Variants in FRAS1 observed in about 807,000 individuals in gnomAD.
FRAS1 encodes the protein extracellular matrix organizing protein FRAS1.
FRAS1 carries 290 observed loss-of-function variants against 435.2 expected under a neutral mutation model. The ratio of observed to expected loss-of-function variants is 0.67; its 90% CI spans 0.61 to 0.73. FRAS1 has a LOEUF of 0.73. Ranked by LOEUF, FRAS1 falls within the 30% of genes least tolerant of loss-of-function variation. The probability of loss-of-function intolerance (pLI) is 0.00; values close to 1 mark genes in which losing one functional copy is unlikely to be tolerated. For missense variants in FRAS1, 4,860 were observed against 5,001.5 expected (o/e 0.97, Z 0.85); for synonymous variants, 1,800 against 1,851.0 (o/e 0.97, Z 0.71).
intron 52 of FRAS1, 135 bp downstream of exon 52, chr4:78,472,465 T>A: frequency 1.6e-6 from 1 of 635,170 alleles, no homozygotes; most frequent in Non-Finnish European, 2.4e-6. Flanking sequence ...TTCTAGTGCT[T>A]AACCATCCAA....
rs770802667 is a variant in FRAS1 at position 78,419,045 on chromosome 4, C to T, written c.4522C>T (p.Pro1508Ser). 6.4e-7 allele frequency: 1 copy of T among 1,566,658 alleles called. No homozygotes were observed. The highest frequency in any genetic ancestry group is 1.2e-5 in the South Asian group (1 of 82,382). ...AAAGATTGTCTACAACATCACTCTACCTCTGCATCCAAATCAAGGTAAGAT... is the reference window on the plus strand; with the variant it reads ...AAAGATTGTCTACAACATCACTCTATCTCTGCATCCAAATCAAGGTAAGAT... The part of the protein sequence containing the change: ...SGKIVYNITL[P>S]LHPNQGIIEH... Residue 1508 changes from proline to serine, a missense_variant, in exon 33 of 74, where the codon CCT (proline) becomes TCT (serine). Physicochemically the swap from Pro to Ser is moderately conservative, Grantham distance 74. Transcript: ENST00000512123.
rs1739554573 is a variant in FRAS1, at chr4:78,058,036, G to T, written c.27G>T (p.Gly9=). The change falls in exon 1 of 74, where the codon GGG becomes GGT. Residue 9 remains glycine, a synonymous_variant. Transcript: ENST00000512123. The part of the protein sequence containing the change: MGVLKVWL[G]LALALAEFAV... Reference sequence around the variant, plus strand: ...TGGGTGTCCTCAAAGTGTGGCTCGGGCTGGCCCTAGCGTTGGCGGAATTTG... The same window carrying T: ...TGGGTGTCCTCAAAGTGTGGCTCGGTCTGGCCCTAGCGTTGGCGGAATTTG... 1 of 1,613,978 alleles carries T rather than the reference G, an allele frequency of 6.2e-7. No individual in the cohort carries two copies. The highest frequency in any genetic ancestry group is 8.5e-7 in the Non-Finnish European group (1 of 1,179,882).
At chr4:78,283,732 G>A (rs73827926) in intron 12 of FRAS1, among the ~76,000 whole-genome samples, 2,087 of 152,268 alleles carry the variant, frequency 0.014, 52 homozygotes, top group African/African-American at 0.047. Flanking sequence ...AAAAAGCAAA[G>A]CAACTTTATG....
chr4:78,370,057 C>T (rs2110304754), intron 23 of FRAS1, 73 bp downstream of exon 23: 1 of 1,454,764 alleles, frequency 6.9e-7, no homozygotes, highest in South Asian at 1.3e-5. Context: ...GTCTAGTTTT[C>T]CATATTGGGA....
At chr4:78,069,996 C>T (rs1475841958) in intron 2 of FRAS1, among the ~76,000 whole-genome samples, 2 of 152,030 alleles carry the variant, frequency 1.3e-5, no homozygotes, top group Non-Finnish European at 2.9e-5. Flanking sequence ...TCACCACCTT[C>T]GGTCCCATAT....
At chr4:78,382,902 G>A (rs1223762969) in intron 27 of FRAS1, among the ~76,000 whole-genome samples, 7 of 152,162 alleles carry the variant, frequency 4.6e-5, no homozygotes, top group African/African-American at 9.7e-5. Context: ...CAAACAATAT[G>A]TAGCCTTTTG....
At chr4:78,435,637 C>T (rs1734391231) in intron 38 of FRAS1, among the ~76,000 whole-genome samples, 1 of 151,886 alleles carries the variant, frequency 6.6e-6, no homozygotes. Flanking sequence ...ACTCAGGAGG[C>T]TGAGGCATGA....
At chr4:78,217,088 G>A (rs1723800690) in intron 2 of FRAS1, among the ~76,000 whole-genome samples, 1 of 152,082 alleles carries the variant, frequency 6.6e-6, no homozygotes, top group African/African-American at 2.4e-5. Flanking sequence ...TAACTAGATA[G>A]ATAGATAGAT....
At chr4:78,510,035 G>A (rs1040175416) in intron 63 of FRAS1, among the ~76,000 whole-genome samples, 4 of 152,130 alleles carry the variant, frequency 2.6e-5, no homozygotes, top group African/African-American at 9.7e-5. Context: ...ACTCTCTTTG[G>A]CACAGCTTAT....
intron 8 of FRAS1, 121 bp from the exon 9 acceptor site, chr4:78,267,120 T>C: frequency 1.9e-6 from 2 of 1,036,622 alleles, no homozygotes; most frequent in Non-Finnish European, 1.4e-6. Context: ...CTGCCCATCG[T>C]GGGTCGGGCC....
rs71216219 is a variant in FRAS1, at chr4:78,518,422, G to GTATATATATATATATA, written c.10390-893_10390-878dup. On this transcript the variant is annotated intron_variant, in intron 66 of 73. Coordinates refer to ENST00000512123, the MANE Select transcript of FRAS1 (RefSeq NM_025074.7). ...GTTTTAAGCTAAGTTTTTTTGTTGTGTATATATATATATATATATATATAT... is the reference window on the plus strand; with the variant it reads ...GTTTTAAGCTAAGTTTTTTTGTTGTGTATATATATATATATATATATATATATATATATATATATAT... Among the ~76,000 whole-genome samples, 145 of 135,672 alleles carry GTATATATATATATATA rather than the reference G, an allele frequency of 1.1e-3. 1 individual carries two copies. Among genetic ancestry groups the GTATATATATATATATA allele is most frequent in the African/African-American group, 4.0e-3 (133 of 33,006 alleles). The allele number at this position is 135,672 out of a possible 152,430, so 89.0% of individuals were successfully genotyped here.
chr4:78,315,261 G>A (rs766725632), intron 15 of FRAS1, among the ~76,000 whole-genome samples: 2 of 152,132 alleles, frequency 1.3e-5, no homozygotes, highest in African/African-American at 4.8e-5. Flanking sequence ...ATTTTATGGA[G>A]CATCTGATAT....
chr4:78,278,601 T>A, intron 9 of FRAS1, 54 bp from the exon 10 acceptor site: 1 of 1,012,032 alleles, frequency 9.9e-7, no homozygotes, highest in East Asian at 2.4e-5. Flanking sequence ...AATTTAGCCC[T>A]GCTACCTGGA....
intron 55 of FRAS1, among the ~76,000 whole-genome samples, 200 bp from the exon 56 acceptor site, chr4:78,479,174 T>C (rs1322275485): frequency 6.6e-6 from 1 of 152,238 alleles, no homozygotes; most frequent in African/African-American, 2.4e-5. Flanking sequence ...TTTGATGAAG[T>C]ATCTGGGGTA....
In FRAS1 at chr4:78,450,197, T is replaced by G; in HGVS notation, c.6321T>G (p.Ile2107Met). 7 of 1,613,830 alleles carry G rather than the reference T, an allele frequency of 4.3e-6. No homozygotes were observed. The highest frequency in any genetic ancestry group is 5.9e-6 in the Non-Finnish European group (7 of 1,179,782). The change falls in exon 45 of 74, where the codon ATT becomes ATG. Residue 2107 changes from isoleucine to methionine, a missense_variant. By Grantham distance (10) the Ile-to-Met change is conservative. Coordinates refer to ENST00000512123, the MANE Select transcript of FRAS1 (RefSeq NM_025074.7). ...ITEQHLKVTD[I>M]DSDDHQVMYI... ...AACAGCACTTGAAAGTGACAGATAT[T>G]GACTCAGATGACCATCAGGTTATGT...
intron 2 of FRAS1, among the ~76,000 whole-genome samples, chr4:78,083,527 A>C (rs7677432): frequency 0.81 from 122,381 of 151,884 alleles, 49,428 homozygotes; most frequent in East Asian, 0.95. Flanking sequence ...ACGCATGGAA[A>C]TAAAAAGCCT....
At chr4:78,195,878 T>C (rs1267900200) in intron 2 of FRAS1, among the ~76,000 whole-genome samples, 1 of 152,114 alleles carries the variant, frequency 6.6e-6, no homozygotes, top group East Asian at 1.9e-4. Flanking sequence ...CGCTGGGAAC[T>C]GTAGACTGGA....
chr4:78,203,825 C>T (rs1440735612), intron 2 of FRAS1, among the ~76,000 whole-genome samples: 2 of 152,226 alleles, frequency 1.3e-5, no homozygotes, highest in Non-Finnish European at 2.9e-5. Flanking sequence ...GCCTCGGGCT[C>T]CCAAAGTGCT....
intron 61 of FRAS1, among the ~76,000 whole-genome samples, chr4:78,506,132 A>G (rs1257790470): frequency 6.6e-6 from 1 of 152,176 alleles, no homozygotes; most frequent in African/African-American, 2.4e-5. Flanking sequence ...GCTTCATCCC[A>G]GAGGCATGCA....
Sources: allele counts gnomAD v4.1 joint callset (sites outside exome capture counted in the v4.1 genomes callset), GRCh38; gene constraint gnomAD v4.1.1; transcripts MANE v1.5; gene names NCBI Gene and HGNC (gene_info 2026-07-23, HGNC 2026-07-21).